The following GAS6 variants were observed in gnomAD, a reference collection of about 807,000 sequenced individuals.
The protein encoded by GAS6 is growth arrest-specific protein 6.
In GAS6, 41 loss-of-function variants were observed where a neutral mutation model predicts 75.8. The observed-to-expected ratio is 0.54, with a 90% CI of 0.42 to 0.70. The LOEUF (loss-of-function observed/expected upper bound fraction) is 0.70. Ranked by LOEUF, GAS6 falls within the 30% of genes least tolerant of loss-of-function variation. The pLI is 0.00. For missense variants in GAS6, 854 were observed against 940.2 expected (o/e 0.91, Z 1.20); for synonymous variants, 432 against 412.6 (o/e 1.05, Z -0.57).
intron 12 of GAS6, among the ~76,000 whole-genome samples, chr13:113,824,804 C>T (rs1008528634): frequency 2.6e-5 from 4 of 152,178 alleles, no homozygotes; most frequent in African/African-American, 9.7e-5. Flanking sequence ...GGCACCGAAA[C>T]ACACAAAATC....
chr13:113,840,113 A>G lies in GAS6; in HGVS notation c.344-263T>C, dbSNP rs1343811416. 6 of 477,160 alleles carry G rather than the reference A, an allele frequency of 1.3e-5. No homozygotes were observed. The South Asian group carries it at 1.6e-4, about 13-fold the overall frequency. The allele number at this position is 477,160 out of a possible 1,614,324, so 29.6% of individuals were successfully genotyped here. A position where few individuals can be genotyped will look rare whatever the true frequency, so the allele number is the denominator to read the frequency against. ...CAGCAGGCCTGGACGCAAGGTGGGA[A>G]GGGCTGAGGGCAAAGGAGCAGGAAC... On this transcript the variant is annotated intron_variant, in intron 4 of 14. Coordinates refer to ENST00000327773, the MANE Select transcript of GAS6 (RefSeq NM_000820.4).
Position 113,827,138 on chromosome 13 carries a change from C to T in GAS6, c.1335G>A (p.Met445Ile). 6.2e-7 allele frequency: 1 copy of T among 1,613,246 alleles called. No homozygotes were observed. The highest frequency in any genetic ancestry group is 8.5e-7 in the Non-Finnish European group (1 of 1,179,828). The change falls in exon 12 of 15, where the codon ATG becomes ATA. Residue 445 changes from methionine (M) to isoleucine (I), a missense_variant. Coordinates refer to ENST00000327773, the MANE Select transcript of GAS6 (RefSeq NM_000820.4). The stretch of plus-strand genomic sequence containing the variant: ...CTCCGTTCAGCCAGTTCCAGCTCCT[C>T]ATGCAGCCATCCAGACGAGGGTTTA... ...QPINPRLDGCMRSWNWLNGED... is the reference protein window; with the variant it reads ...QPINPRLDGCIRSWNWLNGED...
At chr13:113,828,299 C>A (rs1467323071) in intron 11 of GAS6, among the ~76,000 whole-genome samples, 1 of 152,182 alleles carries the variant, frequency 6.6e-6, no homozygotes, top group Admixed American at 6.5e-5. Context: ...TGTCTTATCT[C>A]CATTGAAAAA....
chr13:113,860,498 G>A (rs984820904), intron 2 of GAS6, among the ~76,000 whole-genome samples: 1 of 152,194 alleles, frequency 6.6e-6, no homozygotes, highest in African/African-American at 2.4e-5. Flanking sequence ...GGAGACCTCA[G>A]CAGGCCCTGG....
chr13:113,855,951 C>A (rs545251862), intron 2 of GAS6, among the ~76,000 whole-genome samples: 2 of 152,148 alleles, frequency 1.3e-5, no homozygotes, highest in African/African-American at 4.8e-5. Context: ...CTCCAGTGGC[C>A]GGGACACATG....
intron 2 of GAS6, among the ~76,000 whole-genome samples, chr13:113,858,320 CAT>C (rs1227574324): frequency 7.9e-5 from 12 of 152,154 alleles, no homozygotes; most frequent in South Asian, 2.1e-4. Context: ...CATGTGTGTA[CAT>C]GTCTGTCAGT....
intron 7 of GAS6, 117 bp from the exon 8 acceptor site, chr13:113,834,789 A>G: frequency 8.5e-7 from 1 of 1,177,272 alleles, no homozygotes; most frequent in Non-Finnish European, 1.1e-6. Flanking sequence ...TTACATGCAG[A>G]TTCTAACGGG....
chr13:113,821,078 C>A (rs1341558217), intron 14 of GAS6, 60 bp from the exon 15 acceptor site: 7 of 1,574,710 alleles, frequency 4.4e-6, no homozygotes, highest in Non-Finnish European at 6.1e-6. Flanking sequence ...CCCGCCTGGC[C>A]CCCCCACCCC....
intron 10 of GAS6, 97 bp downstream of exon 10, chr13:113,832,202 G>A: frequency 1.5e-6 from 2 of 1,353,350 alleles, no homozygotes; most frequent in Non-Finnish European, 2.0e-6. Context: ...GCAGGCCCCA[G>A]AGCTCATCTC....
rs891442733 is a variant in GAS6 at position 113,848,873 on chromosome 13, C to T, written c.256-823G>A. 4.6e-5 allele frequency among the ~76,000 whole-genome samples: 7 copies of T among 152,210 alleles called. No individual in the cohort carries two copies. Among genetic ancestry groups the T allele is most frequent in the Non-Finnish European group, 1.0e-4 (7 of 68,044 alleles). ...TCCCATTATCAGGAATGAGGAAACC[C>T]GGCTTCAGGATGGTTGTGGGATTCA... On this transcript the variant is annotated intron_variant, in intron 2 of 14. Transcript: ENST00000327773. This position sits in a 1 kb window ranked among gnomAD's most constrained non-coding sequence, Gnocchi z 4.8.
At chr13:113,821,887 A>T in intron 14 of GAS6, 71 bp downstream of exon 14, 1 of 1,208,232 alleles carries the variant, frequency 8.3e-7, no homozygotes, top group Non-Finnish European at 1.1e-6. Flanking sequence ...TGTCCAGGTT[A>T]GATCTGGGGT....
At chr13:113,842,880 G>A (rs2051800995) in intron 4 of GAS6, 1 of 397,038 alleles carries the variant, frequency 2.5e-6, no homozygotes, top group African/African-American at 2.1e-5. Flanking sequence ...AAAGACCTCT[G>A]TCCCTGAGGC....
chr13:113,852,773 G>A (rs2051885873), intron 2 of GAS6, among the ~76,000 whole-genome samples: 1 of 152,224 alleles, frequency 6.6e-6, no homozygotes, highest in Non-Finnish European at 1.5e-5. Flanking sequence ...CCCAGGATGG[G>A]TCGGCCTCGG....
intron 2 of GAS6, among the ~76,000 whole-genome samples, chr13:113,857,458 T>C (rs1461105250): frequency 6.6e-6 from 1 of 152,180 alleles, no homozygotes; most frequent in Non-Finnish European, 1.5e-5. Flanking sequence ...ATAAAAACCA[T>C]GGAAGAGTCC....
intron 2 of GAS6, among the ~76,000 whole-genome samples, chr13:113,852,573 C>T (rs1346984619): frequency 2.0e-5 from 3 of 152,164 alleles, no homozygotes; most frequent in East Asian, 1.9e-4. Context: ...CCCTGGCATC[C>T]GCCTCTGCTG....
At chr13:113,856,321 G>A (rs998850312) in intron 2 of GAS6, among the ~76,000 whole-genome samples, 1 of 152,154 alleles carries the variant, frequency 6.6e-6, no homozygotes, top group Admixed American at 6.5e-5. Flanking sequence ...CAGTCCCAGC[G>A]AGCACAGGAG....
chr13:113,839,008 T>A (rs958109751), intron 5 of GAS6: 1 of 168,400 alleles, frequency 5.9e-6, no homozygotes, highest in Admixed American at 5.8e-5. Context: ...GATCCCCAGC[T>A]GCGGTCTCAG....
In GAS6 at chr13:113,821,031, G is replaced by T. The variant is rs371109462; in HGVS notation, c.1883-13C>A. ...GTCACCGGCACATCTGGGCCGCAGGGAGAGAACAACATATCTTAGCTCACC... is the reference window on the plus strand; with the variant it reads ...GTCACCGGCACATCTGGGCCGCAGGTAGAGAACAACATATCTTAGCTCACC... On this transcript the variant is annotated splice_polypyrimidine_tract_variant and intron_variant, in intron 14 of 14. Transcript: ENST00000327773. 6.2e-7 allele frequency: 1 copy of T among 1,611,684 alleles called. No individual in the cohort carries two copies. The highest frequency in any genetic ancestry group is 1.7e-5 in the Admixed American group (1 of 59,988).
At chr13:113,835,409 C>T in intron 7 of GAS6, 104 bp downstream of exon 7, 3 of 1,355,512 alleles carry the variant, frequency 2.2e-6, no homozygotes, top group Non-Finnish European at 3.1e-6. Flanking sequence ...GACTTTCTTT[C>T]ACCAGAAGCA....
Sources: gnomAD v4.1 joint callset for allele counts (sites outside exome capture counted in the v4.1 genomes callset) on GRCh38, gnomAD v4.1.1 for gene constraint, Gnocchi (gnomAD v3.1) non-coding constraint, MANE v1.5 for transcripts, NCBI Gene and HGNC (gene_info 2026-07-23, HGNC 2026-07-21) for gene names.